Variants in PCDH15 observed in about 807,000 individuals in gnomAD.
PCDH15 encodes protocadherin-15.
PCDH15 carries 129 observed loss-of-function variants against 178.5 expected under a neutral mutation model. The observed-to-expected ratio is 0.72, with a 90% CI of 0.63 to 0.84. The LOEUF is 0.84. PCDH15 is among the 40% of genes least tolerant of loss of function. The pLI is 0.00. For synonymous variants in PCDH15, 800 were observed against 732.0 expected, an observed-to-expected ratio of 1.09 and a Z score of -1.50; for missense variants, 2,230 against 2,099.9, an observed-to-expected ratio of 1.06 and a Z score of -1.21.
intron 25 of PCDH15, among the ~76,000 whole-genome samples, chr10:53,925,229 A>G (rs1243738000): frequency 6.6e-6 from 1 of 152,044 alleles, no homozygotes; most frequent in East Asian, 1.9e-4. Context: ...GAAGGTCTGC[A>G]GCTTCACTCC....
intron 25 of PCDH15, among the ~76,000 whole-genome samples, chr10:53,914,132 G>A (rs2133808872): frequency 6.6e-6 from 1 of 152,316 alleles, no homozygotes; most frequent in South Asian, 2.1e-4. Context: ...TGGAGAGGAT[G>A]TGGAGAAATA....
intron 16 of PCDH15, among the ~76,000 whole-genome samples, chr10:54,081,197 G>T (rs191883317): frequency 5.2e-4 from 79 of 151,936 alleles, no homozygotes; most frequent in African/African-American, 1.8e-3. Context: ...TCTTGTTTTT[G>T]ATTATTTCAA....
intron 2 of PCDH15, among the ~76,000 whole-genome samples, chr10:55,484,996 C>T (rs536030678): frequency 6.6e-6 from 1 of 151,736 alleles, no homozygotes; most frequent in South Asian, 2.1e-4. Context: ...TTTGTCAAGA[C>T]CTCAAAAGAA....
chr10:54,232,673 AT>A (rs201148966), intron 9 of PCDH15, among the ~76,000 whole-genome samples: 3,319 of 152,244 alleles, frequency 0.022, 52 homozygotes, highest in South Asian at 0.076. Context: ...TAAATTGTAT[AT>A]AATATTCCCT....
intron 2 of PCDH15, among the ~76,000 whole-genome samples, chr10:54,912,041 A>G (rs1232527429): frequency 6.6e-6 from 1 of 151,596 alleles, no homozygotes; most frequent in Non-Finnish European, 1.5e-5. Flanking sequence ...GAGAAATGAC[A>G]TGATTTATGA....
chr10:54,743,053 T>C (rs1197900333), intron 1 of PCDH15, among the ~76,000 whole-genome samples: 1 of 151,938 alleles, frequency 6.6e-6, no homozygotes, highest in Non-Finnish European at 1.5e-5. Flanking sequence ...AAGAGAGCCA[T>C]ACAAGCACTA....
At chr10:54,783,552 G>T (rs555780852) in intron 1 of PCDH15, among the ~76,000 whole-genome samples, 2 of 152,068 alleles carry the variant, frequency 1.3e-5, no homozygotes, top group African/African-American at 2.4e-5. Flanking sequence ...ATGAAGATAA[G>T]AATTCATAGA....
At chr10:54,701,336 C>A (rs2095306732) in intron 1 of PCDH15, among the ~76,000 whole-genome samples, 2 of 152,106 alleles carry the variant, frequency 1.3e-5, no homozygotes, top group South Asian at 4.1e-4. Flanking sequence ...AAGACTGTTA[C>A]AAGACATTAT....
intron 21 of PCDH15, among the ~76,000 whole-genome samples, chr10:53,963,377 C>T (rs996337532): frequency 2.0e-5 from 3 of 152,078 alleles, no homozygotes; most frequent in Non-Finnish European, 4.4e-5. Context: ...CCATCTGGTG[C>T]TCTGTCTCAG....
At chr10:55,172,557 C>T (rs947947614) in intron 1 of PCDH15, among the ~76,000 whole-genome samples, 4 of 151,910 alleles carry the variant, frequency 2.6e-5, no homozygotes, top group Non-Finnish European at 5.9e-5. Context: ...CATTATAACA[C>T]CATTTTGAAA....
At chr10:54,566,342 T>C (rs12258291) in intron 2 of PCDH15, among the ~76,000 whole-genome samples, 20,648 of 152,164 alleles carry the variant, frequency 0.14, 1,565 homozygotes, top group Non-Finnish European at 0.17. Context: ...TTACACATCA[T>C]TATCACTCAA....
chr10:53,830,576 G>A (rs1281675755), intron 30 of PCDH15, among the ~76,000 whole-genome samples: 2 of 152,056 alleles, frequency 1.3e-5, no homozygotes, highest in African/African-American at 4.8e-5. Flanking sequence ...AGCTTCCCCA[G>A]ACCTAGTGTC....
intron 3 of PCDH15, among the ~76,000 whole-genome samples, chr10:54,838,681 G>A (rs547261706): frequency 2.2e-4 from 33 of 152,044 alleles, no homozygotes; most frequent in Non-Finnish European, 4.3e-4. Flanking sequence ...ACAAACCTAC[G>A]CAGCTGCAGT....
intron 2 of PCDH15, among the ~76,000 whole-genome samples, chr10:55,100,293 T>C (rs1277073751): frequency 6.6e-6 from 1 of 152,166 alleles, no homozygotes; most frequent in Non-Finnish European, 1.5e-5. Flanking sequence ...AATTGAAAGC[T>C]TTCTTTAGAT....
chr10:54,299,160 A>T (rs1242511747), intron 8 of PCDH15, among the ~76,000 whole-genome samples: 1 of 150,754 alleles, frequency 6.6e-6, no homozygotes, highest in Non-Finnish European at 1.5e-5. Context: ...AGAAAGAGAC[A>T]GAAAGTCAGA....
At chr10:54,398,490 G>A (rs2135436818) in intron 3 of PCDH15, among the ~76,000 whole-genome samples, 1 of 152,026 alleles carries the variant, frequency 6.6e-6, no homozygotes, top group Admixed American at 6.6e-5. Context: ...ATAAATTAGA[G>A]TTTGGTTACA....
intron 17 of PCDH15, among the ~76,000 whole-genome samples, chr10:54,073,245 T>G (rs1489952617): frequency 6.6e-6 from 1 of 150,518 alleles, no homozygotes; most frequent in Non-Finnish European, 1.5e-5. Flanking sequence ...GTATATATAA[T>G]ATAGAACTAT....
At chr10:53,899,858 C>A (rs200333311) in intron 26 of PCDH15, among the ~76,000 whole-genome samples, 123 of 152,306 alleles carry the variant, frequency 8.1e-4, no homozygotes, top group African/African-American at 2.7e-3. Flanking sequence ...AAGGCAGCAA[C>A]TGGAATTGTT....
At chr10:54,624,847 T>C (rs1415432131) in intron 2 of PCDH15, among the ~76,000 whole-genome samples, 1 of 152,192 alleles carries the variant, frequency 6.6e-6, no homozygotes, top group Non-Finnish European at 1.5e-5. Flanking sequence ...TGGTGATCTG[T>C]CAATGTTCCC....
Sources: gnomAD v4.1 joint callset for allele counts (sites outside exome capture counted in the v4.1 genomes callset) on GRCh38, gnomAD v4.1.1 for gene constraint, MANE v1.5 for transcripts, NCBI Gene and HGNC (gene_info 2026-07-23, HGNC 2026-07-21) for gene names.